CNTN4: variants seen among roughly 807,000 people sequenced by gnomAD.
CNTN4 encodes contactin 4, also known as contactin-4.
A neutral mutation model predicts 122.5 loss-of-function variants in CNTN4; 77 were observed. That is an observed-to-expected ratio of 0.63 (90% CI 0.52 to 0.76). CNTN4 has a LOEUF of 0.76. CNTN4 is among the 30% of genes least tolerant of loss of function. The pLI is 0.00. For missense variants in CNTN4, 1,256 were observed against 1,259.1 expected (o/e 1.00, Z 0.04); for synonymous variants, 512 against 447.0 (o/e 1.15, Z -1.83).
chr3:2,442,593 A>ATT (rs35112792), intron 3 of CNTN4, among the ~76,000 whole-genome samples: 36 of 150,158 alleles, frequency 2.4e-4, no homozygotes, highest in Non-Finnish European at 3.6e-4. Flanking sequence ...ACACACACAC[A>ATT]TTTTTTTTTT....
intron 3 of CNTN4, among the ~76,000 whole-genome samples, chr3:2,412,663 G>A (rs2047267603): frequency 6.6e-6 from 1 of 151,666 alleles, no homozygotes; most frequent in Non-Finnish European, 1.5e-5. Context: ...GTGTTTGAAT[G>A]TTCTTGAAAT....
At position 3,037,426 on chromosome 3, in the gene CNTN4, C is replaced by T. The variant is rs1210152862; in HGVS notation, c.2092+98C>T. 3.4e-6 allele frequency: 5 copies of T among 1,488,486 alleles called. No homozygotes were observed. In the African/African-American group the frequency reaches 4.1e-5, roughly 12 times the overall value. The allele number at this position is 1,488,486 out of a possible 1,614,324, so 92.2% of individuals were successfully genotyped here. A position where few individuals can be genotyped will look rare whatever the true frequency, so the allele number is the denominator to read the frequency against. Reference sequence around the variant, plus strand: ...GCTGCTCTTCAGCGCTCATGCGGCTCTGTGTTAGCTCACCCTTCCCTTTAA... The same window carrying T: ...GCTGCTCTTCAGCGCTCATGCGGCTTTGTGTTAGCTCACCCTTCCCTTTAA... On this transcript the variant is annotated intron_variant, in intron 18 of 24. Coordinates refer to ENST00000418658, the MANE Select transcript of CNTN4 (RefSeq NM_175607.3).
intron 7 of CNTN4, among the ~76,000 whole-genome samples, chr3:2,826,493 T>A (rs919250600): frequency 9.9e-5 from 15 of 152,208 alleles, no homozygotes; most frequent in African/African-American, 3.6e-4. Context: ...CATGCTGTAT[T>A]TACTGTAGGA....
intron 2 of CNTN4, among the ~76,000 whole-genome samples, chr3:2,158,088 TTGCATATAC>T (rs139515298): frequency 0.21 from 31,417 of 151,932 alleles, 4,098 homozygotes; most frequent in Non-Finnish European, 0.31. Context: ...TTCTTTAATT[TTGCATATAC>T]TGCATATATG....
chr3:2,294,790 T>C (rs953290062), intron 2 of CNTN4, among the ~76,000 whole-genome samples: 2 of 152,180 alleles, frequency 1.3e-5, no homozygotes, highest in Non-Finnish European at 2.9e-5. Context: ...ACTCGTCATT[T>C]AGCATTAGGT....
chr3:2,854,877 T>C (rs1410278546), intron 7 of CNTN4, among the ~76,000 whole-genome samples: 4 of 152,212 alleles, frequency 2.6e-5, no homozygotes, highest in Non-Finnish European at 5.9e-5. Flanking sequence ...AGTTCCCATA[T>C]TGAATCCTCT....
At chr3:2,156,158 G>T (rs907735117) in intron 2 of CNTN4, among the ~76,000 whole-genome samples, 1 of 152,132 alleles carries the variant, frequency 6.6e-6, no homozygotes, top group East Asian at 1.9e-4. Flanking sequence ...TGAGGGAAAA[G>T]AAATGAAGTT....
chr3:2,129,993 C>T (rs1419128106), intron 2 of CNTN4, among the ~76,000 whole-genome samples: 1 of 151,984 alleles, frequency 6.6e-6, no homozygotes, highest in East Asian at 1.9e-4. Flanking sequence ...ACTATTTCTA[C>T]TGTGAACTGG....
chr3:2,378,201 A>G (rs57270584), intron 3 of CNTN4, among the ~76,000 whole-genome samples: 10,896 of 152,274 alleles, frequency 0.072, 933 homozygotes, highest in East Asian at 0.5. Flanking sequence ...AAGTTCATAA[A>G]AATCCTGGGT....
intron 2 of CNTN4, among the ~76,000 whole-genome samples, chr3:2,256,064 A>G (rs1484361379): frequency 1.3e-5 from 2 of 152,184 alleles, no homozygotes; most frequent in East Asian, 3.8e-4. Context: ...AAAGAAGAAA[A>G]GAGAGAAGAA....
intron 4 of CNTN4, among the ~76,000 whole-genome samples, chr3:2,711,583 G>A (rs2675290): frequency 0.51 from 77,367 of 151,942 alleles, 22,732 homozygotes; most frequent in African/African-American, 0.81. Flanking sequence ...GCCTCTGAAC[G>A]TACAAAAAGG....
chr3:2,346,582 G>T (rs2044403883), intron 3 of CNTN4, among the ~76,000 whole-genome samples: 1 of 151,794 alleles, frequency 6.6e-6, no homozygotes, highest in African/African-American at 2.4e-5. Context: ...TGTTATTTTT[G>T]AATAATGTTA....
chr3:2,881,604 GAGTGAAAT>G (rs2093911339), intron 8 of CNTN4, among the ~76,000 whole-genome samples: 1 of 143,514 alleles, frequency 7.0e-6, no homozygotes, highest in African/African-American at 2.6e-5. Flanking sequence ...CCCATCCAGT[GAGTGAAAT>G]CATTTCTCTT....
intron 2 of CNTN4, among the ~76,000 whole-genome samples, chr3:2,178,687 C>T (rs548197683): frequency 6.6e-6 from 1 of 152,168 alleles, no homozygotes; most frequent in Admixed American, 6.6e-5. Context: ...AGGCCCATCA[C>T]TCATTGTGTG....
chr3:2,890,575 C>A (rs950231683), intron 10 of CNTN4, among the ~76,000 whole-genome samples: 1 of 152,176 alleles, frequency 6.6e-6, no homozygotes, highest in African/African-American at 2.4e-5. Flanking sequence ...TCAGGGTTGG[C>A]AAAATGGCAA....
At chr3:2,557,687 C>CCACTGCACTCCAGCCTGGGCAA (rs548420571) in intron 3 of CNTN4, among the ~76,000 whole-genome samples, 6 of 151,602 alleles carry the variant, frequency 4.0e-5, no homozygotes, top group Admixed American at 1.3e-4. Context: ...TGAGATTCCA[C>CCACTGCACTCCAGCCTGGGCAA]CACTGCACTC....
At chr3:2,804,950 G>A (rs966766373) in intron 6 of CNTN4, among the ~76,000 whole-genome samples, 5 of 152,064 alleles carry the variant, frequency 3.3e-5, no homozygotes, top group African/African-American at 4.8e-5. Context: ...TGAGGCGGGC[G>A]GATCACCTGA....
intron 3 of CNTN4, among the ~76,000 whole-genome samples, chr3:2,541,180 T>C (rs571382076): frequency 2.6e-5 from 4 of 152,274 alleles, no homozygotes; most frequent in African/African-American, 9.6e-5. Flanking sequence ...AACTCTTAAG[T>C]ATAGTAACTT....
intron 2 of CNTN4, among the ~76,000 whole-genome samples, chr3:2,320,336 A>C (rs1479226784): frequency 6.6e-6 from 1 of 152,214 alleles, no homozygotes; most frequent in Admixed American, 6.5e-5. Flanking sequence ...AATCAAGATG[A>C]ATTATAACAG....
Sources: gnomAD v4.1 joint callset for allele counts (sites outside exome capture counted in the v4.1 genomes callset) on GRCh38, gnomAD v4.1.1 for gene constraint, MANE v1.5 for transcripts, NCBI Gene and HGNC (gene_info 2026-07-23, HGNC 2026-07-21) for gene names.